The following CDH4 variants were observed in gnomAD, a reference collection of about 807,000 sequenced individuals.
The protein encoded by CDH4 is cadherin-4.
A neutral mutation model predicts 86.0 loss-of-function variants in CDH4; 33 were observed. The observed-to-expected ratio is 0.38, with a 90% CI of 0.29 to 0.51. The LOEUF (loss-of-function observed/expected upper bound fraction) is 0.51. Among genes scored for constraint, CDH4 ranks in the 20% least tolerant of loss-of-function variants. The pLI, the probability that CDH4 is intolerant of heterozygous loss-of-function variation, is 0.86. For synonymous variants in CDH4, 555 were observed against 549.4 expected (o/e 1.01, Z -0.14); for missense variants, 1,114 against 1,307.4 (o/e 0.85, Z 2.28).
At chr20:61,609,997 C>T (rs1449534796) in intron 2 of CDH4, among the ~76,000 whole-genome samples, 1 of 152,210 alleles carries the variant, frequency 6.6e-6, no homozygotes, top group Non-Finnish European at 1.5e-5. Flanking sequence ...GCTTTGGGAA[C>T]ATCATAATTC....
intron 2 of CDH4, among the ~76,000 whole-genome samples, chr20:61,645,425 G>C (rs961970305): frequency 2.0e-5 from 3 of 152,108 alleles, no homozygotes; most frequent in Non-Finnish European, 4.4e-5. Flanking sequence ...CCAGGAGTTT[G>C]AAACCAGCTG....
chr20:61,770,861 C>T (rs1164373588), intron 3 of CDH4, among the ~76,000 whole-genome samples: 9 of 133,706 alleles, frequency 6.7e-5, no homozygotes, highest in East Asian at 4.5e-4. Context: ...CCAGCCTGGG[C>T]GACAGAGCGA....
intron 7 of CDH4, among the ~76,000 whole-genome samples, chr20:61,885,730 C>A (rs7263978): frequency 0.016 from 2,500 of 152,332 alleles, 60 homozygotes; most frequent in African/African-American, 0.057. Context: ...CCTGCACTCC[C>A]TCCTCCCACA....
Position 61,743,808 on chromosome 20 carries a change from G to A in CDH4, c.396+19G>A. 7 of 1,548,866 alleles carry A rather than the reference G, an allele frequency of 4.5e-6. No homozygotes were observed. Among genetic ancestry groups the A allele is most frequent in the Non-Finnish European group, 6.1e-6 (7 of 1,139,578 alleles). ...ACACAAGGTAAGGTGTGACCGCCCG[G>A]GTCTGCGCTGGAGTTTAGATGACCT... On this transcript the variant is annotated intron_variant, in intron 3 of 15. Coordinates refer to ENST00000614565, the MANE Select transcript of CDH4 (RefSeq NM_001794.5).
intron 6 of CDH4, among the ~76,000 whole-genome samples, chr20:61,859,718 G>A (rs1157977658): frequency 6.6e-6 from 1 of 152,254 alleles, no homozygotes; most frequent in Non-Finnish European, 1.5e-5. Context: ...ATTTGTGTGG[G>A]TCTGTTCCTA....
chr20:61,597,047 G>T, intron 2 of CDH4, among the ~76,000 whole-genome samples: 1 of 152,230 alleles, frequency 6.6e-6, no homozygotes, highest in Non-Finnish European at 1.5e-5. Flanking sequence ...GATAAATGTG[G>T]TGATTTCAAG....
chr20:61,782,810 G>A (rs1005711293), intron 4 of CDH4, among the ~76,000 whole-genome samples: 1 of 152,196 alleles, frequency 6.6e-6, no homozygotes, highest in African/African-American at 2.4e-5. Flanking sequence ...AAGGCTGGGT[G>A]CAGTGGCTCA....
Position 61,868,885 on chromosome 20 carries a change from T to G in CDH4, c.878-4843T>G, listed in dbSNP as rs1194208905. On this transcript the variant is annotated intron_variant, in intron 6 of 15. Coordinates refer to ENST00000614565, the MANE Select transcript of CDH4 (RefSeq NM_001794.5). ...AAGCCCCATCCCAGCCGGGCACACC[T>G]GGCCCCCACTGAGCCAAGCCTCCAG... Among the ~76,000 whole-genome samples the G allele has an allele frequency of 5.3e-5, 8 of 152,234 alleles. No homozygotes were observed. The East Asian group carries it at 1.5e-3, about 29-fold the overall frequency.
At chr20:61,834,592 T>C (rs1362325418) in intron 4 of CDH4, among the ~76,000 whole-genome samples, 1 of 152,190 alleles carries the variant, frequency 6.6e-6, no homozygotes, top group Non-Finnish European at 1.5e-5. Flanking sequence ...ATGAAGGTTT[T>C]CTGACGAGAC....
intron 9 of CDH4, among the ~76,000 whole-genome samples, chr20:61,917,421 AAAG>A (rs1380086220): frequency 6.6e-6 from 1 of 152,256 alleles, no homozygotes; most frequent in Non-Finnish European, 1.5e-5. Context: ...TTAAAGCTAA[AAAG>A]CCAAGAACCG....
At chr20:61,275,027 G>A (rs2084219560) in intron 2 of CDH4, among the ~76,000 whole-genome samples, 1 of 141,788 alleles carries the variant, frequency 7.1e-6, no homozygotes, top group Admixed American at 7.2e-5. Flanking sequence ...CAGTTAGGGA[G>A]AGCACCATGC....
intron 2 of CDH4, among the ~76,000 whole-genome samples, chr20:61,667,548 C>T (rs1425336579): frequency 6.6e-6 from 1 of 152,244 alleles, no homozygotes; most frequent in Non-Finnish European, 1.5e-5. Flanking sequence ...CAGACGGCCC[C>T]ACTGCACCAG....
At chr20:61,720,210 G>A (rs186343594) in intron 2 of CDH4, among the ~76,000 whole-genome samples, 207 of 152,224 alleles carry the variant, frequency 1.4e-3, no homozygotes, top group Non-Finnish European at 1.9e-3. Flanking sequence ...GGTGGTGAGA[G>A]GAGCTGAAGT....
rs1015470958 is a variant in CDH4 at position 61,902,054 on chromosome 20, C to A, written c.1188+7007C>A. On this transcript the variant is annotated intron_variant, in intron 8 of 15. Coordinates refer to ENST00000614565, the MANE Select transcript of CDH4 (RefSeq NM_001794.5). The surrounding 1 kb of genome is among the most constrained non-coding windows in gnomAD (Gnocchi z 4.6). ...AGCAAATCACCAAGATGCAGTCCTG[C>A]GTGTCACACCTGAGGAGCAGCCTGG... is the stretch of plus-strand genomic sequence containing the variant. Among the ~76,000 whole-genome samples the A allele has an allele frequency of 6.6e-6, 1 of 152,192 alleles. No homozygotes were observed. Among genetic ancestry groups the A allele is most frequent in the African/African-American group, 2.4e-5 (1 of 41,452 alleles).
At chr20:61,627,297 G>A (rs1362131266) in intron 2 of CDH4, among the ~76,000 whole-genome samples, 1 of 152,174 alleles carries the variant, frequency 6.6e-6, no homozygotes, top group Non-Finnish European at 1.5e-5. Context: ...CAGGGTGTTG[G>A]TGGCACTTAG....
rs34309371 is a variant in CDH4, at chr20:61,534,665, CTTTTTTTTTTTT to C, written c.170-208887_170-208876del. ...CTTTCTTTCTTTTCTTTCTTTCTTT[CTTTTTTTTTTTT>C]TTTTTTTTTTGAGGTGTTTTCCTAA... is the stretch of plus-strand genomic sequence containing the variant. On this transcript the variant is annotated intron_variant, in intron 2 of 15. Transcript: ENST00000614565. Among the ~76,000 whole-genome samples the C allele has an allele frequency of 5.3e-5, 4 of 76,066 alleles. 1 individual carries two copies. Among genetic ancestry groups the C allele is most frequent in the South Asian group, 4.6e-4 (1 of 2,188 alleles). The allele number at this position is 76,066 out of a possible 152,430, so 49.9% of individuals were successfully genotyped here. A position where few individuals can be genotyped will look rare whatever the true frequency, so the allele number is the denominator to read the frequency against.
chr20:61,607,935 A>G (rs1054866200), intron 2 of CDH4, among the ~76,000 whole-genome samples: 5 of 151,784 alleles, frequency 3.3e-5, no homozygotes, highest in Non-Finnish European at 5.9e-5. Flanking sequence ...TACCCTCTCA[A>G]CCCCAACACT....
chr20:61,415,522 G>T (rs1953377646), intron 2 of CDH4, among the ~76,000 whole-genome samples: 1 of 151,856 alleles, frequency 6.6e-6, no homozygotes, highest in Non-Finnish European at 1.5e-5. Flanking sequence ...CATTAAACAC[G>T]CACTCCCAGC....
chr20:61,377,044 A>G lies in CDH4; in HGVS notation c.169+122107A>G, dbSNP rs2084876462. Among the ~76,000 whole-genome samples, 1 of 152,176 alleles carries G rather than the reference A, an allele frequency of 6.6e-6. No individual in the cohort carries two copies. The highest frequency in any genetic ancestry group is 6.5e-5 in the Admixed American group (1 of 15,276). Reference sequence around the variant, plus strand: ...TGGAAAGCTGTAGGATGATCAAAATATGAACGTGCACCCACCACCAACACG... The same window carrying G: ...TGGAAAGCTGTAGGATGATCAAAATGTGAACGTGCACCCACCACCAACACG... On this transcript the variant is annotated intron_variant, in intron 2 of 15. Coordinates refer to ENST00000614565, the MANE Select transcript of CDH4 (RefSeq NM_001794.5). The surrounding 1 kb of genome is among the most constrained non-coding windows in gnomAD (Gnocchi z 4.0).
Sources: allele counts gnomAD v4.1 joint callset (sites outside exome capture counted in the v4.1 genomes callset), GRCh38; gene constraint gnomAD v4.1.1; non-coding constraint Gnocchi (gnomAD v3.1); transcripts MANE v1.5; gene names NCBI Gene and HGNC (gene_info 2026-07-23, HGNC 2026-07-21).